Variants in GABRG3 observed in about 807,000 individuals in gnomAD.
The protein encoded by GABRG3 is gamma-aminobutyric acid type A receptor subunit gamma3.
A neutral mutation model predicts 48.8 loss-of-function variants in GABRG3; 25 were observed. The observed-to-expected ratio is 0.51, with a 90% CI of 0.37 to 0.72. The LOEUF (loss-of-function observed/expected upper bound fraction) is 0.72. Ranked by LOEUF, GABRG3 falls within the 30% of genes least tolerant of loss-of-function variation. The pLI is 0.00. For missense variants in GABRG3, 394 were observed against 577.9 expected (o/e 0.68, Z 3.26); for synonymous variants, 227 against 217.6 (o/e 1.04, Z -0.38).
At chr15:27,193,474 T>G (rs896477596) in intron 3 of GABRG3, among the ~76,000 whole-genome samples, 1 of 151,928 alleles carries the variant, frequency 6.6e-6, no homozygotes, top group Non-Finnish European at 1.5e-5. Flanking sequence ...GATCTCAGAC[T>G]GCTGTGCTAG....
intron 5 of GABRG3, among the ~76,000 whole-genome samples, chr15:27,393,269 G>A (rs1038190037): frequency 1.8e-4 from 28 of 151,576 alleles, no homozygotes; most frequent in Admixed American, 1.3e-3. Context: ...GCGTGAACCC[G>A]GGAGGTGGAG....
At chr15:27,428,635 G>A (rs1345532161) in intron 5 of GABRG3, among the ~76,000 whole-genome samples, 2 of 152,136 alleles carry the variant, frequency 1.3e-5, no homozygotes, top group African/African-American at 2.4e-5. Flanking sequence ...TTTTAGGGGG[G>A]TTGTCCCTCC....
chr15:27,425,430 G>A (rs916743663), intron 5 of GABRG3, among the ~76,000 whole-genome samples: 26 of 145,942 alleles, frequency 1.8e-4, no homozygotes, highest in Middle Eastern at 3.5e-3. Flanking sequence ...AGGTGAAACC[G>A]TGTCTCTACT....
chr15:27,320,480 A>G (rs1893385515), intron 3 of GABRG3, among the ~76,000 whole-genome samples: 1 of 152,080 alleles, frequency 6.6e-6, no homozygotes, highest in Admixed American at 6.6e-5. Context: ...CACGAGAGAA[A>G]CCTGAGGCTT....
chr15:27,095,275 G>A (rs1178863920), intron 3 of GABRG3, among the ~76,000 whole-genome samples: 1 of 152,158 alleles, frequency 6.6e-6, no homozygotes, highest in East Asian at 1.9e-4. Flanking sequence ...TGGTTGTTTT[G>A]GCAAAAGTGC....
intron 3 of GABRG3, among the ~76,000 whole-genome samples, chr15:27,258,675 A>T (rs568248459): frequency 6.6e-6 from 1 of 152,208 alleles, no homozygotes; most frequent in Non-Finnish European, 1.5e-5. Context: ...ATACATGCAT[A>T]CAGTATGCAA....
chr15:27,407,112 G>A (rs1473038449), intron 5 of GABRG3, among the ~76,000 whole-genome samples: 1 of 151,982 alleles, frequency 6.6e-6, no homozygotes, highest in East Asian at 1.9e-4. Flanking sequence ...GTTTTAGTAG[G>A]GACAGGGTTT....
intron 6 of GABRG3, among the ~76,000 whole-genome samples, chr15:27,508,413 T>A (rs1890811414): frequency 6.6e-6 from 1 of 152,190 alleles, no homozygotes; most frequent in African/African-American, 2.4e-5. Flanking sequence ...TATTCCCTAT[T>A]ACTTTCTTCC....
intron 4 of GABRG3, 23 bp from the exon 5 acceptor site, chr15:27,328,783 A>G: frequency 6.2e-7 from 1 of 1,610,714 alleles, no homozygotes. Flanking sequence ...GCTGAGCTAG[A>G]CTGACACTTG....
intron 3 of GABRG3, among the ~76,000 whole-genome samples, chr15:27,306,211 A>ATT (rs1892426186): frequency 7.8e-6 from 1 of 127,722 alleles, no homozygotes. Flanking sequence ...ATATAAACAT[A>ATT]TGTAATATAA....
chr15:27,177,536 T>C (rs951811134), intron 3 of GABRG3, among the ~76,000 whole-genome samples: 4 of 152,248 alleles, frequency 2.6e-5, no homozygotes, highest in Non-Finnish European at 5.9e-5. Flanking sequence ...GGGACTGTTA[T>C]CATTCTTGCT....
chr15:27,431,963 T>G (rs959117247), intron 5 of GABRG3, among the ~76,000 whole-genome samples: 1 of 152,198 alleles, frequency 6.6e-6, no homozygotes, highest in African/African-American at 2.4e-5. Flanking sequence ...AATTTATTCC[T>G]ATTATTAACT....
intron 3 of GABRG3, among the ~76,000 whole-genome samples, chr15:27,192,175 A>G (rs1722392436): frequency 6.6e-6 from 1 of 151,710 alleles, no homozygotes; most frequent in Non-Finnish European, 1.5e-5. Flanking sequence ...CTTCATTTCA[A>G]CTTTGGTGAA....
chr15:27,228,028 A>C (rs1889678718), intron 3 of GABRG3, among the ~76,000 whole-genome samples: 1 of 152,240 alleles, frequency 6.6e-6, no homozygotes. Flanking sequence ...TAAATGTAAA[A>C]TAAATAAAAC....
chr15:27,393,777 TG>T (rs1337009549), intron 5 of GABRG3, among the ~76,000 whole-genome samples: 6 of 152,126 alleles, frequency 3.9e-5, no homozygotes, highest in Admixed American at 3.9e-4. Flanking sequence ...TACTATGGAG[TG>T]GCATCTTCTG....
chr15:27,469,772 T>C (rs1889728849), intron 5 of GABRG3, among the ~76,000 whole-genome samples: 1 of 152,258 alleles, frequency 6.6e-6, no homozygotes, highest in Admixed American at 6.5e-5. Flanking sequence ...GGTGTTTCTC[T>C]ATCCCCCACA....
At chr15:27,275,194 A>G (rs917899104) in intron 3 of GABRG3, among the ~76,000 whole-genome samples, 2 of 152,198 alleles carry the variant, frequency 1.3e-5, no homozygotes, top group Admixed American at 6.5e-5. Flanking sequence ...GACAGTCTCA[A>G]ATGTTAAGTA....
intron 2 of GABRG3, among the ~76,000 whole-genome samples, chr15:26,981,500 T>C (rs1318590801): frequency 6.6e-6 from 1 of 152,204 alleles, no homozygotes; most frequent in East Asian, 1.9e-4. Flanking sequence ...CTGGATCCTG[T>C]TGTCTGATAG....
intron 3 of GABRG3, among the ~76,000 whole-genome samples, chr15:27,038,925 C>T (rs2140695887): frequency 6.6e-6 from 1 of 152,278 alleles, no homozygotes; most frequent in Middle Eastern, 3.4e-3. Context: ...GAGATGTGTG[C>T]CATGAGCAAG....
Sources: gnomAD v4.1 joint callset for allele counts (sites outside exome capture counted in the v4.1 genomes callset) on GRCh38, gnomAD v4.1.1 for gene constraint, MANE v1.5 for transcripts, NCBI Gene and HGNC (gene_info 2026-07-23, HGNC 2026-07-21) for gene names.